NT5C2: variants seen among roughly 807,000 people sequenced by gnomAD.
NT5C2 encodes the protein cytosolic purine 5'-nucleotidase.
Under a neutral mutation model 76.1 loss-of-function variants are expected in NT5C2, and 58 were observed. The observed-to-expected ratio is 0.76, with a 90% CI of 0.62 to 0.95. NT5C2 has a LOEUF of 0.95. Among genes scored for constraint, NT5C2 ranks in the 40% least tolerant of loss-of-function variants. NT5C2 has a pLI of 0.00. For synonymous variants in NT5C2, 229 were observed against 237.4 expected (o/e 0.96, Z 0.32); for missense variants, 478 against 690.3 (o/e 0.69, Z 3.45).
At chr10:103,173,969 G>A (rs1279978300) in intron 3 of NT5C2, among the ~76,000 whole-genome samples, 1 of 151,150 alleles carries the variant, frequency 6.6e-6, no homozygotes, top group African/African-American at 2.4e-5. Flanking sequence ...GGTGACGCAC[G>A]CCTGTAATCC....
intron 4 of NT5C2, among the ~76,000 whole-genome samples, chr10:103,133,740 CAGA>C (rs2078676005): frequency 6.6e-6 from 1 of 152,134 alleles, no homozygotes; most frequent in South Asian, 2.1e-4. Context: ...TTGGAGGGCT[CAGA>C]AGAAGAGAGA....
At chr10:103,129,043 G>T (rs1459308417) in intron 4 of NT5C2, among the ~76,000 whole-genome samples, 11 of 114,972 alleles carry the variant, frequency 9.6e-5, no homozygotes, top group Admixed American at 8.9e-4. Flanking sequence ...CAGCCCCCCC[G>T]ACCGGCCAGC....
chr10:103,163,722 A>C (rs1408750502), intron 3 of NT5C2, among the ~76,000 whole-genome samples: 1 of 151,662 alleles, frequency 6.6e-6, no homozygotes. Flanking sequence ...AAAAAAAAAA[A>C]AACTCAAATG....
At chr10:103,094,747 T>G (rs2067755647) in intron 12 of NT5C2, among the ~76,000 whole-genome samples, 1 of 151,998 alleles carries the variant, frequency 6.6e-6, no homozygotes, top group African/African-American at 2.4e-5. Context: ...CCGGGCGTGG[T>G]GGCGGGCGCC....
At position 103,101,069 on chromosome 10, in the gene NT5C2, A is replaced by C; in HGVS notation, c.515T>G (p.Phe172Cys). 6.3e-7 allele frequency: 1 copy of C among 1,580,770 alleles called. No individual in the cohort carries two copies. Among genetic ancestry groups the C allele is most frequent in the Non-Finnish European group, 8.7e-7 (1 of 1,149,724 alleles). ...TYLLACLVDFFTNCPRYTSCE... is the reference protein window; with the variant it reads ...TYLLACLVDFCTNCPRYTSCE... The stretch of plus-strand genomic sequence containing the variant: ...CCTGGTATATCTGGGACAATTAGTA[A>C]AAAAATCTACTAGGCAGGCCAACAG... Residue 172 changes from phenylalanine (F) to cysteine (C), a missense_variant, in exon 8 of 19, where the codon TTT becomes TGT. Phe to Cys is a radical substitution (Grantham distance 205). Transcript: ENST00000404739.
intron 3 of NT5C2, among the ~76,000 whole-genome samples, chr10:103,173,433 C>A (rs2088813956): frequency 6.7e-6 from 1 of 148,518 alleles, no homozygotes; most frequent in African/African-American, 2.5e-5. Context: ...CTGGCTAACA[C>A]AGTGAAACCC....
intron 4 of NT5C2, among the ~76,000 whole-genome samples, chr10:103,118,204 C>CTATT (rs1245775656): frequency 6.6e-6 from 1 of 152,106 alleles, no homozygotes; most frequent in Non-Finnish European, 1.5e-5. Flanking sequence ...TCTTTATAGT[C>CTATT]TATTCATCAT....
chr10:103,138,408 G>T (rs1365919311), intron 4 of NT5C2, among the ~76,000 whole-genome samples: 1 of 152,118 alleles, frequency 6.6e-6, no homozygotes, highest in East Asian at 1.9e-4. Context: ...TTAGGTATTT[G>T]TCCTAATGCT....
chr10:103,093,494 G>A (rs1478036622), intron 14 of NT5C2, among the ~76,000 whole-genome samples, 185 bp from the exon 15 acceptor site: 1 of 152,186 alleles, frequency 6.6e-6, no homozygotes, highest in African/African-American at 2.4e-5. Flanking sequence ...GCTCCACTGT[G>A]CTGACCAGAG....
intron 6 of NT5C2, 21 bp from the exon 7 acceptor site, chr10:103,101,347 T>C (rs747547437): frequency 5.4e-5 from 71 of 1,314,354 alleles, no homozygotes; most frequent in Non-Finnish European, 6.9e-5. Context: ...AATTTAAAAA[T>C]TAACTGATTT....
chr10:103,089,590 G>C lies in NT5C2; in HGVS notation c.*82C>G. On this transcript the variant is annotated 3_prime_UTR_variant, in exon 19 of 19. Coordinates refer to ENST00000404739, the MANE Select transcript of NT5C2 (RefSeq NM_001351169.2). ...TGGAGCCCCCTCCCTCCCCCGAGTAGAACCCTAACAGGGACCTCGTTTGTT... is the reference window on the plus strand; with the variant it reads ...TGGAGCCCCCTCCCTCCCCCGAGTACAACCCTAACAGGGACCTCGTTTGTT... 6.9e-7 allele frequency: 1 copy of C among 1,455,288 alleles called. No homozygotes were observed. Among genetic ancestry groups the C allele is most frequent in the Non-Finnish European group, 9.1e-7 (1 of 1,102,360 alleles). The allele number at this position is 1,455,288 out of a possible 1,614,324, so 90.1% of individuals were successfully genotyped here. A position where few individuals can be genotyped will look rare whatever the true frequency, so the allele number is the denominator to read the frequency against.
chr10:103,183,209 C>T (rs1038133561), intron 1 of NT5C2, among the ~76,000 whole-genome samples: 2 of 145,044 alleles, frequency 1.4e-5, no homozygotes, highest in East Asian at 2.0e-4. Context: ...GTAACCTTTA[C>T]TCCTTATCAT....
chr10:103,114,611 A>G (rs1292664049), intron 4 of NT5C2, among the ~76,000 whole-genome samples: 1 of 152,164 alleles, frequency 6.6e-6, no homozygotes, highest in Non-Finnish European at 1.5e-5. Flanking sequence ...ACCTTCTTCA[A>G]AGAGTCTTAA....
intron 3 of NT5C2, chr10:103,146,073 T>TA (rs2081426281): frequency 9.1e-6 from 9 of 985,444 alleles, no homozygotes; most frequent in Non-Finnish European, 1.1e-5. Flanking sequence ...TAAAACTATC[T>TA]GAGTCAACTA....
At chr10:103,183,061 GA>G (rs1425561424) in intron 1 of NT5C2, among the ~76,000 whole-genome samples, 2 of 151,866 alleles carry the variant, frequency 1.3e-5, no homozygotes, top group Non-Finnish European at 2.9e-5. Flanking sequence ...TAAAAACATG[GA>G]AAGTCAGATG....
chr10:103,165,509 A>T (rs1189403984), intron 3 of NT5C2, among the ~76,000 whole-genome samples: 1 of 150,912 alleles, frequency 6.6e-6, no homozygotes, highest in Non-Finnish European at 1.5e-5. Context: ...AAAAAGAAAA[A>T]CAGAAATCCT....
chr10:103,150,219 C>CCCT (rs1214864183), intron 3 of NT5C2, among the ~76,000 whole-genome samples: 1 of 152,146 alleles, frequency 6.6e-6, no homozygotes, highest in Non-Finnish European at 1.5e-5. Context: ...TTTTGCAATA[C>CCCT]CCTCCCCAGC....
intron 4 of NT5C2, among the ~76,000 whole-genome samples, chr10:103,114,427 AAAAAAT>A (rs1255521313): frequency 1.3e-5 from 2 of 152,096 alleles, no homozygotes; most frequent in African/African-American, 4.8e-5. Flanking sequence ...ATAAATAAAT[AAAAAAT>A]AAAAATAAAA....
At chr10:103,138,205 T>C (rs1337984894) in intron 4 of NT5C2, among the ~76,000 whole-genome samples, 2 of 152,250 alleles carry the variant, frequency 1.3e-5, no homozygotes, top group African/African-American at 4.8e-5. Context: ...TTGGGAAGAC[T>C]GGCTAAATTC....
Sources: allele counts gnomAD v4.1 joint callset (sites outside exome capture counted in the v4.1 genomes callset), GRCh38; gene constraint gnomAD v4.1.1; transcripts MANE v1.5; gene names NCBI Gene and HGNC (gene_info 2026-07-23, HGNC 2026-07-21).